The following RGL1 variants were observed in gnomAD, a reference collection of about 807,000 sequenced individuals.
The protein encoded by RGL1 is ral guanine nucleotide dissociation stimulator like 1, also known as ral guanine nucleotide dissociation stimulator-like 1.
RGL1 carries 24 observed loss-of-function variants against 95.2 expected under a neutral mutation model. That is an observed-to-expected ratio of 0.25 (90% CI 0.18 to 0.35). The LOEUF (loss-of-function observed/expected upper bound fraction) is 0.35, where lower values mean the gene tolerates loss of function less well. RGL1 is among the 10% of genes least tolerant of loss of function. The pLI is 1.00. For synonymous variants in RGL1, 329 were observed against 344.9 expected (o/e 0.95, Z 0.51); for missense variants, 715 against 936.3 (o/e 0.76, Z 3.08).
At chr1:183,841,695 T>G (rs1664071751) in intron 2 of RGL1, among the ~76,000 whole-genome samples, 1 of 152,188 alleles carries the variant, frequency 6.6e-6, no homozygotes, top group Admixed American at 6.5e-5. Context: ...CTGGGTGTCA[T>G]TACATACATG....
intron 1 of RGL1, among the ~76,000 whole-genome samples, chr1:183,708,739 C>T (rs1044214521): frequency 1.3e-5 from 2 of 152,212 alleles, no homozygotes; most frequent in African/African-American, 4.8e-5. Context: ...TCTGTTAACC[C>T]GGCTCCTGGG....
In RGL1 at chr1:183,742,714, G is replaced by C. The variant is rs573802466; in HGVS notation, c.132+425G>C. Among the ~76,000 whole-genome samples, 88 of 151,916 alleles carry C rather than the reference G, an allele frequency of 5.8e-4. 1 individual carries two copies. The highest frequency in any genetic ancestry group is 2.1e-3 in the African/African-American group (85 of 41,324). The stretch of plus-strand genomic sequence containing the variant: ...ATATTTGTGTGCATATTTGTGGGGG[G>C]TGTGTGTGTGAGAGAGAGAAAGAGA... On this transcript the variant is annotated intron_variant, in intron 2 of 18. Transcript: ENST00000304685.
At chr1:183,834,527 A>G (rs1663499134) in intron 2 of RGL1, among the ~76,000 whole-genome samples, 1 of 152,028 alleles carries the variant, frequency 6.6e-6, no homozygotes, top group South Asian at 2.1e-4. Context: ...ATGCACTAGT[A>G]CTAAGCTCTG....
chr1:183,746,772 T>G (rs1436572445), intron 2 of RGL1, among the ~76,000 whole-genome samples: 1 of 152,028 alleles, frequency 6.6e-6, no homozygotes, highest in Admixed American at 6.6e-5. Flanking sequence ...CATTAGGTAG[T>G]TCTCCTAATG....
intron 3 of RGL1, among the ~76,000 whole-genome samples, chr1:183,852,455 G>T (rs1421993202): frequency 6.6e-6 from 1 of 152,074 alleles, no homozygotes; most frequent in Non-Finnish European, 1.5e-5. Context: ...CTTGAATTCT[G>T]GGCCAGCAGT....
In RGL1 at chr1:183,890,443, A is replaced by ATGTT. The variant is rs1667352121; in HGVS notation, c.1056-1632_1056-1629dup. On this transcript the variant is annotated intron_variant, in intron 8 of 17. Transcript: ENST00000360851. ...CTCTAAGCTGCATTCTGTGTAACATATGTTTCTGGTTTGTTTCTTAGTTGG... is the reference window on the plus strand; with the variant it reads ...CTCTAAGCTGCATTCTGTGTAACATATGTTTGTTTCTGGTTTGTTTCTTAGTTGG... Among the ~76,000 whole-genome samples, 9 of 152,284 alleles carry ATGTT rather than the reference A, an allele frequency of 5.9e-5. No homozygotes were observed. The South Asian group carries it at 1.9e-3, about 32-fold the overall frequency.
intron 1 of RGL1, among the ~76,000 whole-genome samples, chr1:183,736,271 G>A (rs938606054): frequency 6.6e-6 from 1 of 152,200 alleles, no homozygotes; most frequent in Non-Finnish European, 1.5e-5. Flanking sequence ...GGAGCCTTCA[G>A]TTCTTCTGGA....
At chr1:183,710,219 T>G in intron 1 of RGL1, 1 of 192,898 alleles carries the variant, frequency 5.2e-6, no homozygotes, top group Middle Eastern at 6.6e-4. Context: ...TGCACACTCT[T>G]ACCAGTGCTG....
chr1:183,735,978 A>G (rs1656913402), intron 1 of RGL1, among the ~76,000 whole-genome samples: 1 of 152,210 alleles, frequency 6.6e-6, no homozygotes. Context: ...AATCATGGTT[A>G]GAGAAGTCTA....
intron 2 of RGL1, among the ~76,000 whole-genome samples, chr1:183,757,092 C>T (rs1383420691): frequency 6.8e-6 from 1 of 147,040 alleles, no homozygotes; most frequent in Non-Finnish European, 1.5e-5. Flanking sequence ...TATCTATGTT[C>T]AATGTTTTAC....
At chr1:183,742,102 A>G (rs1657343968) in intron 1 of RGL1, 1 of 1,598,460 alleles carries the variant, frequency 6.3e-7, no homozygotes, top group Non-Finnish European at 8.6e-7. Context: ...TTTAACCTGG[A>G]TCACACTTTA....
chr1:183,801,644 G>C (rs1048235326), upstream of RGL1, among the ~76,000 whole-genome samples: 9 of 152,158 alleles, frequency 5.9e-5, no homozygotes, highest in African/African-American at 1.7e-4. Flanking sequence ...GAATACCTGA[G>C]AGCAGGTACT....
At chr1:183,758,740 A>T (rs1335481848) in intron 2 of RGL1, among the ~76,000 whole-genome samples, 2 of 152,094 alleles carry the variant, frequency 1.3e-5, no homozygotes, top group African/African-American at 2.4e-5. Flanking sequence ...TCCTAATATC[A>T]TCACACTGAG....
At chr1:183,772,372 C>T (rs192009756) in intron 2 of RGL1, among the ~76,000 whole-genome samples, 1 of 152,312 alleles carries the variant, frequency 6.6e-6, no homozygotes, top group African/African-American at 2.4e-5. Flanking sequence ...ACTGAAGAAG[C>T]GAGCCACACC....
chr1:183,692,783 G>T (rs1376442827), intron 1 of RGL1, among the ~76,000 whole-genome samples: 1 of 151,998 alleles, frequency 6.6e-6, no homozygotes, highest in East Asian at 1.9e-4. Context: ...ACTATAAAGG[G>T]GTAGCAACAG....
intron 1 of RGL1, among the ~76,000 whole-genome samples, chr1:183,712,861 T>G (rs1655369416): frequency 6.6e-6 from 1 of 152,180 alleles, no homozygotes; most frequent in Admixed American, 6.5e-5. Flanking sequence ...AAAGTCCCTG[T>G]GGAATCTTAA....
intron 1 of RGL1, among the ~76,000 whole-genome samples, chr1:183,707,824 T>G (rs1655013232): frequency 6.9e-6 from 1 of 145,198 alleles, no homozygotes; most frequent in Admixed American, 6.9e-5. Flanking sequence ...AGGGGAGAGG[T>G]AGGGGCTGGG....
At chr1:183,690,662 A>T (rs1276675666) in intron 1 of RGL1, among the ~76,000 whole-genome samples, 1 of 152,182 alleles carries the variant, frequency 6.6e-6, no homozygotes, top group African/African-American at 2.4e-5. Context: ...TGCCCAAATG[A>T]AAATATACTT....
At chr1:183,653,570 G>A (rs909535892) in intron 1 of RGL1, among the ~76,000 whole-genome samples, 1 of 152,178 alleles carries the variant, frequency 6.6e-6, no homozygotes, top group African/African-American at 2.4e-5. Flanking sequence ...TAGGTGCCAG[G>A]CCTGGCGGTT....
Sources: allele counts gnomAD v4.1 joint callset (sites outside exome capture counted in the v4.1 genomes callset), GRCh38; gene constraint gnomAD v4.1.1; transcripts MANE v1.5; gene names NCBI Gene and HGNC (gene_info 2026-07-23, HGNC 2026-07-21).